Variants in GRIN2A observed in about 807,000 individuals in gnomAD.
GRIN2A encodes the protein glutamate receptor ionotropic, NMDA 2A.
Under a neutral mutation model 113.4 loss-of-function variants are expected in GRIN2A, and 22 were observed. The ratio of observed to expected loss-of-function variants is 0.19; its 90% confidence interval spans 0.14 to 0.28. The LOEUF (loss-of-function observed/expected upper bound fraction) is 0.28. GRIN2A is among the 10% of genes least tolerant of loss of function. GRIN2A has a pLI of 1.00. For missense variants in GRIN2A, 1,502 were observed against 1,887.0 expected, an observed-to-expected ratio of 0.80 and a Z score of 3.78; for synonymous variants, 827 against 738.4, an observed-to-expected ratio of 1.12 and a Z score of -1.94.
At chr16:9,824,384 G>C (rs1451777339) in intron 9 of GRIN2A, among the ~76,000 whole-genome samples, 1 of 152,222 alleles carries the variant, frequency 6.6e-6, no homozygotes, top group African/African-American at 2.4e-5. Context: ...TAATAGTGCT[G>C]TTCATAAATC....
intron 2 of GRIN2A, chr16:10,171,444 G>T (rs372993325): frequency 6.6e-6 from 1 of 152,180 alleles, no homozygotes; most frequent in Non-Finnish European, 1.5e-5. Flanking sequence ...TAGTGCAAAG[G>T]TCAATGAGAT....
intron 2 of GRIN2A, among the ~76,000 whole-genome samples, chr16:10,109,196 A>G (rs1018249335): frequency 6.6e-6 from 1 of 152,142 alleles, no homozygotes; most frequent in Non-Finnish European, 1.5e-5. Context: ...CTGGAAAGAT[A>G]CAAATTACCA....
At chr16:9,787,820 C>T (rs973947183) in intron 11 of GRIN2A, among the ~76,000 whole-genome samples, 4 of 152,184 alleles carry the variant, frequency 2.6e-5, no homozygotes, top group African/African-American at 9.7e-5. Flanking sequence ...AGTTCCTCTC[C>T]CCTCTATTTT....
intron 2 of GRIN2A, among the ~76,000 whole-genome samples, chr16:10,048,128 G>T (rs1347946473): frequency 6.6e-6 from 1 of 152,132 alleles, no homozygotes; most frequent in Non-Finnish European, 1.5e-5. Flanking sequence ...TTTCAAACAT[G>T]TATTAATTTT....
intron 2 of GRIN2A, among the ~76,000 whole-genome samples, chr16:9,944,783 G>C (rs78014934): frequency 6.6e-6 from 1 of 152,118 alleles, no homozygotes; most frequent in Non-Finnish European, 1.5e-5. Flanking sequence ...AAGACTGCCC[G>C]TGGGCAGGAA....
In GRIN2A at chr16:9,758,968, A is replaced by C. The variant is rs990921279; in HGVS notation, c.*4181T>G. On this transcript the variant is annotated 3_prime_UTR_variant, in exon 13 of 13. Transcript: ENST00000330684. ...AACACATTTAGCTTCCACCTACTCAAACTTCTTTTTCTTTGAGTCCAATCA... is the reference window on the plus strand; with the variant it reads ...AACACATTTAGCTTCCACCTACTCACACTTCTTTTTCTTTGAGTCCAATCA... The C allele has an allele frequency of 4.5e-6, 1 of 222,070 alleles. No homozygotes were observed. Among genetic ancestry groups the C allele is most frequent in the Non-Finnish European group, 9.0e-6 (1 of 111,142 alleles). 13.8% of individuals were successfully genotyped at this position (222,070 alleles called of 1,614,324 possible).
intron 11 of GRIN2A, among the ~76,000 whole-genome samples, chr16:9,791,171 G>T (rs1006072327): frequency 1.3e-5 from 2 of 152,164 alleles, no homozygotes; most frequent in African/African-American, 2.4e-5. Flanking sequence ...TGCCACAAGT[G>T]TAGAGATAAG....
intron 4 of GRIN2A, among the ~76,000 whole-genome samples, chr16:9,860,372 C>T (rs1272231680): frequency 6.9e-6 from 1 of 145,026 alleles, no homozygotes; most frequent in East Asian, 2.0e-4. Context: ...CACTTGAACC[C>T]AGGAGGCGGA....
chr16:9,947,975 AAC>A (rs1229681999), intron 2 of GRIN2A, among the ~76,000 whole-genome samples: 2 of 152,284 alleles, frequency 1.3e-5, no homozygotes, highest in Non-Finnish European at 1.5e-5. Flanking sequence ...ACAACCCACA[AAC>A]ACAGCACTAA....
At chr16:9,912,006 T>A (rs2044150026) in intron 3 of GRIN2A, among the ~76,000 whole-genome samples, 1 of 152,116 alleles carries the variant, frequency 6.6e-6, no homozygotes, top group Admixed American at 6.6e-5. Context: ...TACCTCATAG[T>A]GTTGGTGGGA....
chr16:10,125,976 C>T (rs1197502881), intron 2 of GRIN2A, among the ~76,000 whole-genome samples: 1 of 150,072 alleles, frequency 6.7e-6, no homozygotes, highest in African/African-American at 2.4e-5. Context: ...AATGAGGACA[C>T]AGACAGGAGG....
chr16:9,981,505 T>C (rs12919357), intron 2 of GRIN2A, among the ~76,000 whole-genome samples: 4,104 of 152,334 alleles, frequency 0.027, 82 homozygotes, highest in Non-Finnish European at 0.041. Context: ...GTTTTGTCCA[T>C]ATTCTTACCA....
At chr16:9,990,819 C>A (rs1004091229) in intron 2 of GRIN2A, among the ~76,000 whole-genome samples, 1 of 143,668 alleles carries the variant, frequency 7.0e-6, no homozygotes, top group Non-Finnish European at 1.5e-5. Flanking sequence ...GTAATCCAAG[C>A]ACTTTGGGAG....
At chr16:9,962,896 T>A (rs991668024) in intron 2 of GRIN2A, among the ~76,000 whole-genome samples, 5 of 151,594 alleles carry the variant, frequency 3.3e-5, no homozygotes, top group Admixed American at 1.3e-4. Flanking sequence ...GATAGACTGG[T>A]TTAAGAAAAT....
chr16:9,876,141 C>G (rs1018955687), intron 4 of GRIN2A, among the ~76,000 whole-genome samples: 1 of 152,120 alleles, frequency 6.6e-6, no homozygotes, highest in African/African-American at 2.4e-5. Context: ...CATAAAACCC[C>G]TCGTGGCTTG....
chr16:10,037,343 C>G (rs1236006776), intron 2 of GRIN2A: 1 of 152,200 alleles, frequency 6.6e-6, no homozygotes, highest in Non-Finnish European at 1.5e-5. Context: ...ATTCTAAGTT[C>G]TTTTGTGGAA....
intron 2 of GRIN2A, among the ~76,000 whole-genome samples, chr16:10,099,634 C>G (rs918884436): frequency 6.6e-6 from 1 of 152,162 alleles, no homozygotes; most frequent in Non-Finnish European, 1.5e-5. Context: ...GTAGTCTTGC[C>G]ATCTCTAAGG....
chr16:10,141,949 AT>A (rs2049334976), intron 2 of GRIN2A, among the ~76,000 whole-genome samples: 1 of 152,240 alleles, frequency 6.6e-6, no homozygotes. Context: ...CCTGGTGGAA[AT>A]GCAGCAACTT....
chr16:9,781,104 A>G (rs1388525812), intron 11 of GRIN2A, among the ~76,000 whole-genome samples: 2 of 152,028 alleles, frequency 1.3e-5, no homozygotes, highest in African/African-American at 4.8e-5. Context: ...AAAAACAGCC[A>G]TAGACAATGC....
Sources: allele counts gnomAD v4.1 joint callset (sites outside exome capture counted in the v4.1 genomes callset), GRCh38; gene constraint gnomAD v4.1.1; transcripts MANE v1.5; gene names NCBI Gene and HGNC (gene_info 2026-07-23, HGNC 2026-07-21).